NETO2: variants seen among roughly 807,000 people sequenced by gnomAD.
The protein encoded by NETO2 is neuropilin and tolloid like 2, also known as neuropilin and tolloid-like protein 2.
A neutral mutation model predicts 62.5 loss-of-function variants in NETO2; 28 were observed. The observed-to-expected ratio is 0.45, with a 90% confidence interval of 0.33 to 0.61. NETO2 has a LOEUF of 0.61. Among genes scored for constraint, NETO2 ranks in the 20% least tolerant of loss-of-function variants. NETO2 has a pLI of 0.02. For missense variants in NETO2, 548 were observed against 643.2 expected (o/e 0.85, Z 1.60); for synonymous variants, 214 against 219.1 (o/e 0.98, Z 0.21).
chr16:47,097,092 C>T (rs1040597187), intron 7 of NETO2, among the ~76,000 whole-genome samples: 1 of 152,140 alleles, frequency 6.6e-6, no homozygotes, highest in South Asian at 2.1e-4. Context: ...ATAAAACTGG[C>T]GGCCATTTGG....
chr16:47,085,646 A>T (rs546563235), intron 8 of NETO2, among the ~76,000 whole-genome samples: 1 of 151,942 alleles, frequency 6.6e-6, no homozygotes, highest in Non-Finnish European at 1.5e-5. Context: ...AGCCTCCCAA[A>T]GTGCTGGGAT....
Position 47,143,820 on chromosome 16 carries a change from C to A in NETO2, c.-208G>T. 1 of 540,634 alleles carries A rather than the reference C, an allele frequency of 1.8e-6. No homozygotes were observed. Among genetic ancestry groups the A allele is most frequent in the Non-Finnish European group, 2.7e-6 (1 of 376,070 alleles). 33.5% of individuals were successfully genotyped at this position (540,634 alleles called of 1,614,324 possible). ...CTCCCGCGCGGCCCGAGCACCCCGA[C>A]GGGCGCCGCCTCCTGCTCCGCGGCG... On this transcript the variant is annotated 5_prime_UTR_variant, in exon 1 of 9. Coordinates refer to ENST00000562435, the MANE Select transcript of NETO2 (RefSeq NM_018092.5).
At chr16:47,094,548 A>G (rs1342464614) in intron 7 of NETO2, among the ~76,000 whole-genome samples, 1 of 141,386 alleles carries the variant, frequency 7.1e-6, no homozygotes, top group African/African-American at 2.6e-5. Flanking sequence ...GCCCCAGCCT[A>G]TCGAGTAGCT....
chr16:47,083,883 G>C, intron 8 of NETO2, 82 bp from the exon 9 acceptor site: 1 of 1,107,488 alleles, frequency 9.0e-7, no homozygotes, highest in South Asian at 1.6e-5. Context: ...GTATTTTTAG[G>C]TAAAACAGAA....
At position 47,078,621 on chromosome 16, in the gene NETO2, C is replaced by T. The variant is rs1963014343; in HGVS notation, c.*4600G>A. 2 of 152,114 alleles carry T rather than the reference C, an allele frequency of 1.3e-5. No homozygotes were observed. Among genetic ancestry groups the T allele is most frequent in the African/African-American group, 2.4e-5 (1 of 41,408 alleles). The allele number at this position is 152,114 out of a possible 1,614,324, so 9.4% of individuals were successfully genotyped here. A position where few individuals can be genotyped will look rare whatever the true frequency, so the allele number is the denominator to read the frequency against. The stretch of plus-strand genomic sequence containing the variant: ...GTGATTTTGCAGAAAACTAAAATAT[C>T]CAAGATAATCTTGTTATTTACAGTA... On this transcript the variant is annotated 3_prime_UTR_variant, in exon 9 of 9. Transcript: ENST00000562435.
In NETO2 at chr16:47,080,889, A is replaced by G. The variant is rs537942660; in HGVS notation, c.*2332T>C. ...TTCAAGAGGAAATTAGCCTCTGCACATAAGTTTTTTTACTGTGAAAAGCAA... is the reference window on the plus strand; with the variant it reads ...TTCAAGAGGAAATTAGCCTCTGCACGTAAGTTTTTTTACTGTGAAAAGCAA... On this transcript the variant is annotated 3_prime_UTR_variant, in exon 9 of 9. Coordinates refer to ENST00000562435, the MANE Select transcript of NETO2 (RefSeq NM_018092.5). 12 of 152,338 alleles carry G rather than the reference A, an allele frequency of 7.9e-5. No homozygotes were observed. In the East Asian group the frequency reaches 1.9e-3, roughly 24 times the overall value. 9.4% of individuals were successfully genotyped at this position (152,338 alleles called of 1,614,324 possible).
intron 6 of NETO2, among the ~76,000 whole-genome samples, chr16:47,115,893 G>T (rs1270426379): frequency 1.3e-5 from 2 of 150,864 alleles, no homozygotes; most frequent in Non-Finnish European, 3.0e-5. Context: ...TTGTATACTG[G>T]TCTTCCATCC....
Position 47,132,004 on chromosome 16 carries a change from A to G in NETO2, c.56T>C (p.Val19Ala), listed in dbSNP as rs1278256850. 8 of 1,612,478 alleles carry G rather than the reference A, an allele frequency of 5.0e-6. No homozygotes were observed. Among genetic ancestry groups the G allele is most frequent in the Non-Finnish European group, 6.8e-6 (8 of 1,178,806 alleles). ...VLKVLLITVL[V>A]VEGIAVAQKT... Reference sequence around the variant, plus strand: ...TTGGGCCACGGCAATCCCTTCCACTACCAGTACTGTTATTAACAACACTAG... The same window carrying G: ...TTGGGCCACGGCAATCCCTTCCACTGCCAGTACTGTTATTAACAACACTAG... The change falls in exon 2 of 9, where the codon GTA becomes GCA. Residue 19 changes from valine to alanine, a missense_variant. Transcript: ENST00000562435.
At chr16:47,086,380 C>A in intron 7 of NETO2, 41 bp from the exon 8 acceptor site, 2 of 1,326,010 alleles carry the variant, frequency 1.5e-6, no homozygotes, top group Non-Finnish European at 2.2e-6. Flanking sequence ...GCAGGCAGAC[C>A]ACCTGATTTT....
intron 7 of NETO2, among the ~76,000 whole-genome samples, chr16:47,106,712 A>C (rs542057433): frequency 1.2e-4 from 19 of 152,268 alleles, no homozygotes; most frequent in African/African-American, 4.3e-4. Flanking sequence ...GGTGTATACA[A>C]TGCTGTACTA....
chr16:47,107,624 T>C (rs913546381), intron 7 of NETO2, among the ~76,000 whole-genome samples: 2 of 152,194 alleles, frequency 1.3e-5, no homozygotes, highest in Admixed American at 6.5e-5. Flanking sequence ...AAAACACTAG[T>C]TGAGCCTGGT....
rs1049756593 is a variant in NETO2, at chr16:47,143,849, C to A, written c.-237G>T. ...CGCCGCCTCCTGCTCCGCGGCGCCC[C>A]GTCCCATCGACCGCCCGAGGGCCGA... On this transcript the variant is annotated 5_prime_UTR_variant, in exon 1 of 9. Coordinates refer to ENST00000562435, the MANE Select transcript of NETO2 (RefSeq NM_018092.5). 94 of 377,574 alleles carry A rather than the reference C, an allele frequency of 2.5e-4. No homozygotes were observed. Among genetic ancestry groups the A allele is most frequent in the African/African-American group, 1.8e-3 (84 of 46,520 alleles). 23.4% of individuals were successfully genotyped at this position (377,574 alleles called of 1,614,324 possible).
chr16:47,141,917 A>G (rs973985198), intron 1 of NETO2, among the ~76,000 whole-genome samples: 6 of 152,076 alleles, frequency 3.9e-5, no homozygotes, highest in African/African-American at 1.2e-4. Flanking sequence ...AAATCCCTTC[A>G]CCATTGGAGG....
Position 47,118,003 on chromosome 16 carries a change from C to T in NETO2, c.654+4654G>A, listed in dbSNP as rs187602772. On this transcript the variant is annotated intron_variant, in intron 6 of 8. Coordinates refer to ENST00000562435, the MANE Select transcript of NETO2 (RefSeq NM_018092.5). ...GTTAGGGTTGGGATCTATTGGTTGTCTTTCATTAAAAATTAACCAGATTTT... is the reference window on the plus strand; with the variant it reads ...GTTAGGGTTGGGATCTATTGGTTGTTTTTCATTAAAAATTAACCAGATTTT... 3.1e-3 allele frequency among the ~76,000 whole-genome samples: 471 copies of T among 152,206 alleles called. 2 individuals are homozygous for T. The highest frequency in any genetic ancestry group is 0.011 in the African/African-American group (449 of 41,524).
Position 47,131,995 on chromosome 16 carries a change from C to T in NETO2, c.65G>A (p.Gly22Glu). 6.2e-7 allele frequency: 1 copy of T among 1,612,524 alleles called. No homozygotes were observed. Among genetic ancestry groups the T allele is most frequent in the Non-Finnish European group, 8.5e-7 (1 of 1,178,922 alleles). ...TTGGGTTTTTTGGGCCACGGCAATC[C>T]CTTCCACTACCAGTACTGTTATTAA... ...VLLITVLVVE[G>E]IAVAQKTQDG... The change falls in exon 2 of 9, where the codon GGG (glycine) becomes GAG (glutamate). Residue 22 changes from glycine (G) to glutamate (E), a missense_variant. Coordinates refer to ENST00000562435, the MANE Select transcript of NETO2 (RefSeq NM_018092.5).
At chr16:47,142,037 C>T (rs907250771) in intron 1 of NETO2, among the ~76,000 whole-genome samples, 2 of 152,180 alleles carry the variant, frequency 1.3e-5, no homozygotes, top group Non-Finnish European at 2.9e-5. Flanking sequence ...GATGCACGGT[C>T]AGTAGCATGC....
intron 6 of NETO2, among the ~76,000 whole-genome samples, chr16:47,112,798 C>T (rs954736470): frequency 2.0e-5 from 3 of 152,122 alleles, no homozygotes; most frequent in Admixed American, 6.5e-5. Context: ...CCAGGTAACG[C>T]TCCTAAAAAT....
intron 7 of NETO2, among the ~76,000 whole-genome samples, chr16:47,094,663 T>C (rs985771067): frequency 6.6e-6 from 1 of 151,922 alleles, no homozygotes; most frequent in Non-Finnish European, 1.5e-5. Context: ...GTTGACCTCA[T>C]GATCTGCCCG....
At chr16:47,094,126 G>T (rs1963375729) in intron 7 of NETO2, among the ~76,000 whole-genome samples, 2 of 152,236 alleles carry the variant, frequency 1.3e-5, no homozygotes, top group Middle Eastern at 3.4e-3. Flanking sequence ...GTAGATTAAA[G>T]TTAAGGGCCA....
Sources: gnomAD v4.1 joint callset for allele counts (sites outside exome capture counted in the v4.1 genomes callset) on GRCh38, gnomAD v4.1.1 for gene constraint, MANE v1.5 for transcripts, NCBI Gene and HGNC (gene_info 2026-07-23, HGNC 2026-07-21) for gene names.